PRH1: variants seen among roughly 807,000 people sequenced by gnomAD.
PRH1 encodes the protein proline rich protein HaeIII subfamily 1, also known as salivary acidic proline-rich phosphoprotein 1/2.
In PRH1, 7 loss-of-function variants were observed where a neutral mutation model predicts 7.9. The observed-to-expected ratio is 0.89, with a 90% CI of 0.50 to 1.67. The LOEUF is 1.67. Ranked by LOEUF, PRH1 falls within the 40% of genes most tolerant of loss-of-function variation. The probability of loss-of-function intolerance (pLI) is 0.00; values close to 1 mark genes in which losing one functional copy is unlikely to be tolerated. For missense variants in PRH1, 109 were observed against 223.6 expected (o/e 0.49, Z 3.27); for synonymous variants, 45 against 80.8 (o/e 0.56, Z 2.38).
At position 11,088,887 on chromosome 12, in the gene PRH1, T is replaced by A. The variant is rs1209901933; in HGVS notation, n.124-41699A>T. ...TAGGAGACAGGAGAGCAAATCCCTA[T>A]GGAATTAGTGCAAGAACATTCCCTC... On this transcript the variant is annotated intron_variant and non_coding_transcript_variant, in intron 1 of 4. Transcript: ENST00000541977. Among the ~76,000 whole-genome samples, 2 of 112,580 alleles carry A rather than the reference T, an allele frequency of 1.8e-5. 1 individual carries two copies. The highest frequency in any genetic ancestry group is 1.8e-4 in the Admixed American group (2 of 11,262). The allele number at this position is 112,580 out of a possible 152,430, so 73.9% of individuals were successfully genotyped here.
intron 1 of PRH1, among the ~76,000 whole-genome samples, chr12:11,098,312 G>C (rs1021517048): frequency 4.8e-4 from 73 of 151,550 alleles, no homozygotes; most frequent in South Asian, 3.4e-3. Context: ...CCAGTGTCAA[G>C]CCAGAAATCA....
intron 1 of PRH1, 101 bp downstream of exon 1, chr12:10,884,053 C>G (rs984136434): frequency 2.2e-5 from 31 of 1,418,210 alleles, no homozygotes; most frequent in Non-Finnish European, 2.8e-5. Context: ...GCAGTCCCAT[C>G]TGTTTTCTCA....
intron 1 of PRH1, among the ~76,000 whole-genome samples, chr12:10,994,244 A>C (rs1413403052): frequency 6.6e-6 from 1 of 152,206 alleles, no homozygotes; most frequent in Non-Finnish European, 1.5e-5. Flanking sequence ...ATGAGGTCTG[A>C]CTTTCATAAC....
At chr12:11,021,440 C>G (rs796987677) in intron 1 of PRH1, among the ~76,000 whole-genome samples, 1 of 61,340 alleles carries the variant, frequency 1.6e-5, no homozygotes, top group Non-Finnish European at 3.9e-5. Context: ...GAAATATACT[C>G]AGCTTCATAA....
intron 1 of PRH1, among the ~76,000 whole-genome samples, chr12:11,039,476 T>C (rs990361626): frequency 1.1e-4 from 16 of 152,372 alleles, no homozygotes; most frequent in African/African-American, 3.4e-4. Context: ...AAAACCTGAA[T>C]TCTCATCTAC....
downstream of PRH1, among the ~76,000 whole-genome samples, chr12:11,119,937 C>T (rs965029913): frequency 6.6e-6 from 1 of 152,150 alleles, no homozygotes; most frequent in Non-Finnish European, 1.5e-5. Context: ...GTTTGGATTA[C>T]ATTAACAAAC....
chr12:10,974,017 C>T (rs1047545906), intron 1 of PRH1, among the ~76,000 whole-genome samples: 1 of 152,152 alleles, frequency 6.6e-6, no homozygotes, highest in East Asian at 1.9e-4. Flanking sequence ...TTGCTAAAAG[C>T]TGGACTAATC....
intron 1 of PRH1, chr12:11,079,143 T>A: frequency 6.8e-6 from 1 of 146,698 alleles, no homozygotes; most frequent in African/African-American, 2.5e-5. Context: ...ATTAAAATAT[T>A]CAGCAATTTT....
upstream of PRH1, among the ~76,000 whole-genome samples, chr12:11,051,745 T>C (rs1023694286): frequency 2.0e-5 from 3 of 152,212 alleles, no homozygotes; most frequent in East Asian, 1.9e-4. Context: ...CAATCCTATA[T>C]GTTCGTATTC....
At chr12:10,901,711 T>TA (rs1405780253) in intron 2 of PRH1, among the ~76,000 whole-genome samples, 1 of 151,976 alleles carries the variant, frequency 6.6e-6, no homozygotes, top group East Asian at 1.9e-4. Flanking sequence ...CAGTCTAATA[T>TA]AAAACCTGCA....
chr12:11,091,797 A>C, intron 1 of PRH1: 1 of 1,495,936 alleles, frequency 6.7e-7, no homozygotes, highest in South Asian at 1.1e-5. Context: ...TTTATCACAA[A>C]AAGATGACAA....
intron 2 of PRH1, among the ~76,000 whole-genome samples, chr12:10,890,475 T>A (rs894303946): frequency 6.6e-6 from 1 of 152,084 alleles, no homozygotes; most frequent in Non-Finnish European, 1.5e-5. Flanking sequence ...TCCTTTTTCT[T>A]TCTAAACCTG....
chr12:11,083,937 G>GTATAGTGTTCTATTGTTA (rs1311213420), intron 1 of PRH1, among the ~76,000 whole-genome samples: 11 of 74,110 alleles, frequency 1.5e-4, no homozygotes, highest in Non-Finnish European at 1.9e-4. Flanking sequence ...TGGTTCTGCT[G>GTATAGTGTTCTATTGTTA]GGACAATTAA....
chr12:11,133,542 G>T (rs754097243), intron 1 of PRH1: 2 of 1,554,706 alleles, frequency 1.3e-6, no homozygotes, highest in Non-Finnish European at 1.7e-6. Context: ...CATAACAGAA[G>T]AAAGGAGGTC....
intron 1 of PRH1, among the ~76,000 whole-genome samples, chr12:11,041,776 A>C (rs1224957184): frequency 1.3e-5 from 2 of 152,218 alleles, no homozygotes; most frequent in Non-Finnish European, 2.9e-5. Flanking sequence ...ATTGCCAAGC[A>C]TCAACTCTGG....
intron 1 of PRH1, among the ~76,000 whole-genome samples, chr12:11,147,486 C>G (rs947717197): frequency 6.6e-6 from 1 of 152,102 alleles, no homozygotes; most frequent in Non-Finnish European, 1.5e-5. Context: ...TGACACCTGG[C>G]CAAAGAATTT....
intron 1 of PRH1, among the ~76,000 whole-genome samples, chr12:11,105,315 T>A (rs138656554): frequency 1.3e-5 from 2 of 152,248 alleles, no homozygotes; most frequent in African/African-American, 4.8e-5. Context: ...ATGTCTGAAT[T>A]TTTTTAAAGG....
chr12:11,100,773 T>C (rs778686828), intron 1 of PRH1, among the ~76,000 whole-genome samples: 3 of 152,196 alleles, frequency 2.0e-5, no homozygotes, highest in Non-Finnish European at 4.4e-5. Flanking sequence ...TGCACAAACA[T>C]ACTCAAAGAT....
chr12:11,151,183 T>C (rs1261706616), intron 1 of PRH1, among the ~76,000 whole-genome samples: 2 of 152,152 alleles, frequency 1.3e-5, no homozygotes, highest in African/African-American at 4.8e-5. Flanking sequence ...GCAGCTGAAG[T>C]GTGAGAACCT....
Sources: allele counts gnomAD v4.1 joint callset (sites outside exome capture counted in the v4.1 genomes callset), GRCh38; gene constraint gnomAD v4.1.1; transcripts MANE v1.5; gene names NCBI Gene and HGNC (gene_info 2026-07-23, HGNC 2026-07-21).